Variants in TCEANC2 observed in about 807,000 individuals in gnomAD.
The protein encoded by TCEANC2 is transcription elongation factor A N-terminal and central domain-containing protein 2.
TCEANC2 carries 20 observed loss-of-function variants against 22.8 expected under a neutral mutation model. That is an observed-to-expected ratio of 0.88 (90% CI 0.62 to 1.28). The LOEUF is 1.28. TCEANC2 is among the 50% of genes most tolerant of loss of function. TCEANC2 has a pLI of 0.00. For missense variants in TCEANC2, 251 were observed against 249.7 expected (o/e 1.01, Z -0.03); for synonymous variants, 84 against 95.5 (o/e 0.88, Z 0.70).
Position 54,104,422 on chromosome 1 carries a change from A to ATAAT in TCEANC2, c.*7954_*7957dup, listed in dbSNP as rs1414821014. 5 of 314,894 alleles carry ATAAT rather than the reference A, an allele frequency of 1.6e-5. No homozygotes were observed. Among genetic ancestry groups the ATAAT allele is most frequent in the Non-Finnish European group, 2.6e-5 (4 of 154,584 alleles). The allele number at this position is 314,894 out of a possible 1,614,324, so 19.5% of individuals were successfully genotyped here. ...AAGAACAGTCACCATTCTTTGAGGGATAATTAATCCTGATCATCAGGAGGA... is the reference window on the plus strand; with the variant it reads ...AAGAACAGTCACCATTCTTTGAGGGATAATTAATTAATCCTGATCATCAGGAGGA... On this transcript the variant is annotated 3_prime_UTR_variant, in exon 5 of 5. Transcript: ENST00000234827.
At chr1:54,110,748 C>T (rs972380090), downstream of TCEANC2, among the ~76,000 whole-genome samples, 3 of 152,162 alleles carry the variant, frequency 2.0e-5, no homozygotes, top group African/African-American at 7.2e-5. Context: ...CTTTGTCCTA[C>T]CCCTGGCTCC....
intron 3 of TCEANC2, among the ~76,000 whole-genome samples, chr1:54,085,940 C>T (rs1360078600): frequency 1.3e-5 from 2 of 152,010 alleles, no homozygotes; most frequent in East Asian, 1.9e-4. Flanking sequence ...CATTATGTTG[C>T]CCAGGCTGGT....
chr1:54,057,775 C>A (rs1158174875), intron 2 of TCEANC2, among the ~76,000 whole-genome samples: 1 of 152,192 alleles, frequency 6.6e-6, no homozygotes, highest in Non-Finnish European at 1.5e-5. Context: ...ACACCCAAGG[C>A]CTTCCATGAC....
intron 2 of TCEANC2, among the ~76,000 whole-genome samples, chr1:54,060,278 G>A (rs74848555): frequency 0.086 from 13,079 of 152,080 alleles, 1,306 homozygotes; most frequent in African/African-American, 0.24. Flanking sequence ...GGTCGCGCGC[G>A]CCTGTAGTCC....
chr1:54,055,618 C>T (rs1657738554), intron 2 of TCEANC2, among the ~76,000 whole-genome samples: 2 of 152,190 alleles, frequency 1.3e-5, no homozygotes, highest in Admixed American at 1.3e-4. Flanking sequence ...GCACCTCCAG[C>T]CTAGGTTTCA....
chr1:54,082,953 T>C (rs1049194888), intron 3 of TCEANC2, among the ~76,000 whole-genome samples: 7 of 152,020 alleles, frequency 4.6e-5, no homozygotes, highest in African/African-American at 1.7e-4. Context: ...AGTAATACAG[T>C]AGACCTGTGG....
In TCEANC2 at chr1:54,102,114, C is replaced by T. The variant is rs1432976543; in HGVS notation, c.*5641C>T. The T allele has an allele frequency of 6.6e-6, 1 of 152,140 alleles. No individual in the cohort carries two copies. Among genetic ancestry groups the T allele is most frequent in the Non-Finnish European group, 1.5e-5 (1 of 68,042 alleles). The allele number at this position is 152,140 out of a possible 1,614,324, so 9.4% of individuals were successfully genotyped here. On this transcript the variant is annotated 3_prime_UTR_variant, in exon 5 of 5. Coordinates refer to ENST00000234827, the MANE Select transcript of TCEANC2 (RefSeq NM_153035.3). Reference sequence around the variant, plus strand: ...CTTTAGGTTTTGGAGACAGCATATCCCACACCTAGGAATATGCTCCATCCA... The same window carrying T: ...CTTTAGGTTTTGGAGACAGCATATCTCACACCTAGGAATATGCTCCATCCA...
At chr1:54,082,749 G>A (rs901456580) in intron 3 of TCEANC2, among the ~76,000 whole-genome samples, 4 of 152,170 alleles carry the variant, frequency 2.6e-5, no homozygotes, top group African/African-American at 9.6e-5. Context: ...GGTGACAGGT[G>A]AGGCCAAAGA....
chr1:54,102,406 C>T lies in TCEANC2; in HGVS notation c.*5933C>T, dbSNP rs1658677464. ...CAAGAATTTTATACTTCTTAAGAAA[C>T]AACTCTTGATGCTACAGGGTTCTGG... On this transcript the variant is annotated 3_prime_UTR_variant, in exon 5 of 5. Coordinates refer to ENST00000234827, the MANE Select transcript of TCEANC2 (RefSeq NM_153035.3). The T allele has an allele frequency of 6.6e-6, 1 of 152,240 alleles. No individual in the cohort carries two copies. The highest frequency in any genetic ancestry group is 1.5e-5 in the Non-Finnish European group (1 of 68,054). 9.4% of individuals were successfully genotyped at this position (152,240 alleles called of 1,614,324 possible). A position where few individuals can be genotyped will look rare whatever the true frequency, so the allele number is the denominator to read the frequency against.
intron 4 of TCEANC2, among the ~76,000 whole-genome samples, chr1:54,092,263 A>G (rs1658459958): frequency 6.6e-6 from 1 of 152,234 alleles, no homozygotes; most frequent in Admixed American, 6.5e-5. Flanking sequence ...AAGCTTTACT[A>G]TCTCCTGGCT....
rs1258223085 is a variant in TCEANC2 at position 54,097,674 on chromosome 1, T to C, written c.*1201T>C. 6.6e-6 allele frequency: 1 copy of C among 152,236 alleles called. No homozygotes were observed. Among genetic ancestry groups the C allele is most frequent in the Non-Finnish European group, 1.5e-5 (1 of 68,024 alleles). 9.4% of individuals were successfully genotyped at this position (152,236 alleles called of 1,614,324 possible). A position where few individuals can be genotyped will look rare whatever the true frequency, so the allele number is the denominator to read the frequency against. On this transcript the variant is annotated 3_prime_UTR_variant, in exon 5 of 5. Coordinates refer to ENST00000234827, the MANE Select transcript of TCEANC2 (RefSeq NM_153035.3). ...AAATATTGCTTACTTCTCTCACCCA[T>C]TGTATTAAGTAGGTATTGTTGTTTT...
chr1:54,056,072 C>A (rs1312949712), intron 2 of TCEANC2, among the ~76,000 whole-genome samples: 4 of 152,200 alleles, frequency 2.6e-5, no homozygotes, highest in African/African-American at 9.7e-5. Context: ...TGAGCCCTAC[C>A]AAACTCTAGA....
intron 3 of TCEANC2, among the ~76,000 whole-genome samples, chr1:54,072,700 A>T (rs1186745020): frequency 6.6e-6 from 1 of 152,010 alleles, no homozygotes; most frequent in Non-Finnish European, 1.5e-5. Flanking sequence ...TGGCCTCCCA[A>T]AGTGCTGGGA....
rs999341022 is a variant in TCEANC2 at position 54,104,390 on chromosome 1, A to G, written c.*7917A>G. On this transcript the variant is annotated 3_prime_UTR_variant, in exon 5 of 5. Transcript: ENST00000234827. ...CTTGAGCTCCTCATATCAGGAGACT[A>G]CTAGGCAAGAACAGTCACCATTCTT... 3.3e-5 allele frequency: 10 copies of G among 300,708 alleles called. No homozygotes were observed. The highest frequency in any genetic ancestry group is 2.8e-4 in the Admixed American group (7 of 24,712). The allele number at this position is 300,708 out of a possible 1,614,324, so 18.6% of individuals were successfully genotyped here. A position where few individuals can be genotyped will look rare whatever the true frequency, so the allele number is the denominator to read the frequency against.
chr1:54,057,479 C>G (rs1657774399), intron 2 of TCEANC2, among the ~76,000 whole-genome samples: 1 of 150,920 alleles, frequency 6.6e-6, no homozygotes, highest in South Asian at 2.1e-4. Context: ...GCATGAGCCA[C>G]TACGCCTGGC....
intron 4 of TCEANC2, among the ~76,000 whole-genome samples, chr1:54,090,564 TA>T (rs1658423470): frequency 1.3e-5 from 2 of 152,218 alleles, no homozygotes; most frequent in Non-Finnish European, 2.9e-5. Flanking sequence ...TATATATCTT[TA>T]TTTTTTCATG....
downstream of TCEANC2, among the ~76,000 whole-genome samples, chr1:54,108,068 C>G (rs890557927): frequency 6.6e-6 from 1 of 152,180 alleles, no homozygotes; most frequent in Non-Finnish European, 1.5e-5. Context: ...TTGAGAACAT[C>G]CTGTAAACAT....
At chr1:54,108,536 A>G (rs932224861), downstream of TCEANC2, among the ~76,000 whole-genome samples, 4 of 152,234 alleles carry the variant, frequency 2.6e-5, no homozygotes, top group African/African-American at 4.8e-5. Context: ...AGGCCTCAGA[A>G]GAAACCAAAC....
intron 4 of TCEANC2, among the ~76,000 whole-genome samples, chr1:54,093,130 G>C (rs1431981471): frequency 2.0e-5 from 3 of 152,150 alleles, no homozygotes; most frequent in African/African-American, 7.2e-5. Flanking sequence ...AAGAGACCAG[G>C]CAGCCCGTGA....
Sources: gnomAD v4.1 joint callset for allele counts (sites outside exome capture counted in the v4.1 genomes callset) on GRCh38, gnomAD v4.1.1 for gene constraint, MANE v1.5 for transcripts, NCBI Gene and HGNC (gene_info 2026-07-23, HGNC 2026-07-21) for gene names.